PLEKHG3: variants seen among roughly 807,000 people sequenced by gnomAD.
PLEKHG3 encodes the protein pleckstrin homology domain-containing family G member 3.
A neutral mutation model predicts 94.9 loss-of-function variants in PLEKHG3; 62 were observed. The observed-to-expected ratio is 0.65, with a 90% CI of 0.53 to 0.81. The LOEUF is 0.81. Ranked by LOEUF, PLEKHG3 falls within the 30% of genes least tolerant of loss-of-function variation. The pLI is 0.00. For missense variants in PLEKHG3, 1,461 were observed against 1,619.3 expected, an observed-to-expected ratio of 0.90 and a Z score of 1.68; for synonymous variants, 614 against 654.0, an observed-to-expected ratio of 0.94 and a Z score of 0.93.
In PLEKHG3 at chr14:64,738,130, C is replaced by T. The variant is rs868517523; in HGVS notation, c.1405-612C>T. ...GAGCAGGAGGAGAGCCTGGCGGTGG[C>T]GGAGCAGGTAGCCGACTTTGCCAGC... On this transcript the variant is annotated intron_variant, in intron 14 of 16. Transcript: ENST00000247226. The surrounding 1 kb of genome is among the most constrained non-coding windows in gnomAD (Gnocchi z 4.8). 4.5e-5 allele frequency: 59 copies of T among 1,299,190 alleles called. No individual in the cohort carries two copies. Among genetic ancestry groups the T allele is most frequent in the African/African-American group, 1.1e-4 (7 of 66,528 alleles). The allele number at this position is 1,299,190 out of a possible 1,614,324, so 80.5% of individuals were successfully genotyped here. A position where few individuals can be genotyped will look rare whatever the true frequency, so the allele number is the denominator to read the frequency against.
At position 64,743,142 on chromosome 14, in the gene PLEKHG3, C is replaced by T. The variant is rs148982273; in HGVS notation, c.3099C>T (p.Pro1033=). 5 of 1,611,394 alleles carry T rather than the reference C, an allele frequency of 3.1e-6. No homozygotes were observed. The African/African-American group carries it at 5.3e-5, about 17-fold the overall frequency. ...GGACCACCTCGCCTGGGGGCCGGCC[C>T]TCCGCCCGGAGCCCCCTCAGCCCCA... ...SQRTTSPGGR[P]SARSPLSPTE... is the part of the protein sequence containing the mutation. Residue 1033 remains proline, a synonymous_variant, in exon 17 of 17, where the codon CCC becomes CCT. Transcript: ENST00000247226. The surrounding 1 kb of genome is among the most constrained non-coding windows in gnomAD (Gnocchi z 7.2).
chr14:64,709,703 C>G lies in PLEKHG3; in HGVS notation c.-40+4999C>G, dbSNP rs75551979. ...GGTGCCGGAAGCTCTTAAAAACTCA[C>G]ATCCTTTACTTCCTAGGCTGTGAGA... On this transcript the variant is annotated intron_variant, in intron 1 of 16. Coordinates refer to ENST00000247226, the MANE Select transcript of PLEKHG3 (RefSeq NM_001308147.2). Among the ~76,000 whole-genome samples, 1,488 of 151,668 alleles carry G rather than the reference C, an allele frequency of 9.8e-3. 69 individuals carry two copies. In the East Asian group the frequency reaches 0.14, roughly 14 times the overall value.
intron 1 of PLEKHG3, among the ~76,000 whole-genome samples, chr14:64,707,699 T>C (rs983533348): frequency 2.6e-5 from 4 of 152,224 alleles, no homozygotes; most frequent in Non-Finnish European, 5.9e-5. Context: ...CTGAAGGCGG[T>C]ATTTTTCTTC....
In PLEKHG3 at chr14:64,749,249, C is replaced by T. The variant is rs935637087; in HGVS notation, c.*5546C>T. On this transcript the variant is annotated 3_prime_UTR_variant, in exon 17 of 17. Transcript: ENST00000247226. The surrounding 1 kb of genome is among the most constrained non-coding windows in gnomAD (Gnocchi z 4.7). ...GGGCGGCGGCGAGAGGAGGCCAAGG[C>T]CTGGGCTGCCCGGTCTCTGCGCGTC... The T allele has an allele frequency of 5.2e-6, 8 of 1,533,670 alleles. No individual in the cohort carries two copies. In the African/African-American group the frequency reaches 5.5e-5, roughly 11 times the overall value.
chr14:64,741,002 T>G (rs2081674669), intron 15 of PLEKHG3, 34 bp from the exon 16 acceptor site: 2 of 1,514,178 alleles, frequency 1.3e-6, no homozygotes, highest in Non-Finnish European at 1.8e-6. Flanking sequence ...AAGGAGGCTT[T>G]TTACTCATGT....
At position 64,720,180 on chromosome 14, in the gene PLEKHG3, CT is replaced by C. The variant is rs1460042461; in HGVS notation, c.-39-7409del. Reference sequence around the variant, plus strand: ...CAGGGAGACCAGATCATCACAGCCCCTTTTCTAAACTTGGCTACTTTCCCCT... The same window carrying C: ...CAGGGAGACCAGATCATCACAGCCCCTTTCTAAACTTGGCTACTTTCCCCT... On this transcript the variant is annotated intron_variant, in intron 1 of 16. Coordinates refer to ENST00000247226, the MANE Select transcript of PLEKHG3 (RefSeq NM_001308147.2). This position sits in a 1 kb window ranked among gnomAD's most constrained non-coding sequence, Gnocchi z 4.1. Among the ~76,000 whole-genome samples, 2 of 152,258 alleles carry C rather than the reference CT, an allele frequency of 1.3e-5. No individual in the cohort carries two copies. The highest frequency in any genetic ancestry group is 1.9e-4 in the East Asian group (1 of 5,206).
rs2081623615 is a variant in PLEKHG3 at position 64,738,668 on chromosome 14, C to T, written c.1405-74C>T. ...CCAGCCCCTTGGGGCGTGGGAGGCACTGCCCGTGTTGGGATGCAGAAGGGA... is the reference window on the plus strand; with the variant it reads ...CCAGCCCCTTGGGGCGTGGGAGGCATTGCCCGTGTTGGGATGCAGAAGGGA... On this transcript the variant is annotated intron_variant, in intron 14 of 16. Coordinates refer to ENST00000247226, the MANE Select transcript of PLEKHG3 (RefSeq NM_001308147.2). The surrounding 1 kb of genome is among the most constrained non-coding windows in gnomAD (Gnocchi z 4.8). 9.3e-7 allele frequency: 1 copy of T among 1,081,052 alleles called. No homozygotes were observed. Among genetic ancestry groups the T allele is most frequent in the Middle Eastern group, 2.0e-4 (1 of 5,066 alleles). 67.0% of individuals were successfully genotyped at this position (1,081,052 alleles called of 1,614,324 possible). A position where few individuals can be genotyped will look rare whatever the true frequency, so the allele number is the denominator to read the frequency against.
In PLEKHG3 at chr14:64,749,945, A is replaced by G. The variant is rs1256333271; in HGVS notation, c.*6242A>G. The G allele has an allele frequency of 1.2e-6, 2 of 1,614,110 alleles. No homozygotes were observed. The highest frequency in any genetic ancestry group is 1.1e-5 in the South Asian group (1 of 91,074). On this transcript the variant is annotated 3_prime_UTR_variant, in exon 17 of 17. Coordinates refer to ENST00000247226, the MANE Select transcript of PLEKHG3 (RefSeq NM_001308147.2). The surrounding 1 kb of genome is among the most constrained non-coding windows in gnomAD (Gnocchi z 4.7). ...CCTGCCACTAATGCCAAATCAAGCCATCAACCCGAGCTTTCAAAGGCCAGG... is the reference window on the plus strand; with the variant it reads ...CCTGCCACTAATGCCAAATCAAGCCGTCAACCCGAGCTTTCAAAGGCCAGG...
At position 64,748,341 on chromosome 14, in the gene PLEKHG3, G is replaced by C. The variant is rs900201467; in HGVS notation, c.*4638G>C. ...CATCTTATATCTGGGGGCCCACACT[G>C]TCCCGTAGGGGGCCTATGTCTGTTG... is the stretch of plus-strand genomic sequence containing the variant. On this transcript the variant is annotated 3_prime_UTR_variant, in exon 17 of 17. Coordinates refer to ENST00000247226, the MANE Select transcript of PLEKHG3 (RefSeq NM_001308147.2). 2.0e-5 allele frequency: 3 copies of C among 152,418 alleles called. No homozygotes were observed. In the East Asian group the frequency reaches 5.8e-4, roughly 29 times the overall value. The allele number at this position is 152,418 out of a possible 1,614,324, so 9.4% of individuals were successfully genotyped here. A position where few individuals can be genotyped will look rare whatever the true frequency, so the allele number is the denominator to read the frequency against.
At chr14:64,710,173 C>T (rs921543864) in intron 1 of PLEKHG3, among the ~76,000 whole-genome samples, 3 of 152,136 alleles carry the variant, frequency 2.0e-5, no homozygotes, top group Non-Finnish European at 1.5e-5. Context: ...TAATGTGTTC[C>T]ATAATATCCA....
rs1214286033 is a variant in PLEKHG3 at position 64,728,231 on chromosome 14, T to A, written c.351+249T>A. On this transcript the variant is annotated intron_variant, in intron 2 of 16. Coordinates refer to ENST00000247226, the MANE Select transcript of PLEKHG3 (RefSeq NM_001308147.2). The surrounding 1 kb of genome is among the most constrained non-coding windows in gnomAD (Gnocchi z 5.9). Reference sequence around the variant, plus strand: ...TCCCCAGCCTGCCTGGGAAGATGGCTCTAGAGAGCCTGTGCCACAGAGACT... The same window carrying A: ...TCCCCAGCCTGCCTGGGAAGATGGCACTAGAGAGCCTGTGCCACAGAGACT... 1.3e-5 allele frequency among the ~76,000 whole-genome samples: 2 copies of A among 152,192 alleles called. No individual in the cohort carries two copies. Among genetic ancestry groups the A allele is most frequent in the Non-Finnish European group, 2.9e-5 (2 of 68,016 alleles).
Position 64,731,334 on chromosome 14 carries a change from C to T in PLEKHG3, c.850-27C>T, listed in dbSNP as rs750567714. On this transcript the variant is annotated intron_variant, in intron 7 of 16. Coordinates refer to ENST00000247226, the MANE Select transcript of PLEKHG3 (RefSeq NM_001308147.2). The surrounding 1 kb of genome is among the most constrained non-coding windows in gnomAD (Gnocchi z 6.1). ...CTCCTAAGGCCCCAGTGGCCTGACT[C>T]TAGGGATTGGGGCCCCTCTGCTGCA... 26 of 1,601,170 alleles carry T rather than the reference C, an allele frequency of 1.6e-5. No individual in the cohort carries two copies. The Admixed American group carries it at 2.3e-4, about 14-fold the overall frequency.
Position 64,731,540 on chromosome 14 carries a change from C to T in PLEKHG3, c.1029C>T (p.Ile343=). The T allele has an allele frequency of 1.2e-6, 2 of 1,613,850 alleles. No homozygotes were observed. The highest frequency in any genetic ancestry group is 1.7e-6 in the Non-Finnish European group (2 of 1,179,796). ...ATCACTTTGTCTACAAGGGCAACAT[C>T]CCGGTAACCAGGCCCTGCCCCATCT... The part of the protein sequence containing the change: ...RGDHFVYKGN[I]PCSSLMLIES... Residue 343 remains isoleucine, a synonymous_variant, in exon 8 of 17, where the codon ATC becomes ATT. Coordinates refer to ENST00000247226, the MANE Select transcript of PLEKHG3 (RefSeq NM_001308147.2). The surrounding 1 kb of genome is among the most constrained non-coding windows in gnomAD (Gnocchi z 6.1).
Position 64,743,756 on chromosome 14 carries a change from G to C in PLEKHG3, c.*53G>C. ...ATGTTGGAGGTTGGGGAAGAACCTG[G>C]GCATCCTTCCCCTCAAGCCTGGGCT... On this transcript the variant is annotated 3_prime_UTR_variant, in exon 17 of 17. Coordinates refer to ENST00000247226, the MANE Select transcript of PLEKHG3 (RefSeq NM_001308147.2). The surrounding 1 kb of genome is among the most constrained non-coding windows in gnomAD (Gnocchi z 7.2). 1.3e-6 allele frequency: 2 copies of C among 1,495,068 alleles called. No homozygotes were observed. Among genetic ancestry groups the C allele is most frequent in the Non-Finnish European group, 1.8e-6 (2 of 1,127,414 alleles). The allele number at this position is 1,495,068 out of a possible 1,614,324, so 92.6% of individuals were successfully genotyped here.
chr14:64,721,336 G>A lies in PLEKHG3; in HGVS notation c.-39-6257G>A, dbSNP rs79697568. 0.13 allele frequency among the ~76,000 whole-genome samples: 19,119 copies of A among 152,168 alleles called. 1,286 individuals are homozygous for A. The highest frequency in any genetic ancestry group is 0.18 in the Middle Eastern group (52 of 294). ...AGCCCTCCCTCTGAGCTAGGTGCCT[G>A]GCTTTCCTTTCCTTCCAAGGTCAGG... On this transcript the variant is annotated intron_variant, in intron 1 of 16. Coordinates refer to ENST00000247226, the MANE Select transcript of PLEKHG3 (RefSeq NM_001308147.2). This position sits in a 1 kb window ranked among gnomAD's most constrained non-coding sequence, Gnocchi z 4.3.
At position 64,716,886 on chromosome 14, in the gene PLEKHG3, T is replaced by C. The variant is rs2081173785; in HGVS notation, c.-39-10707T>C. On this transcript the variant is annotated intron_variant, in intron 1 of 16. Transcript: ENST00000247226. The surrounding 1 kb of genome is among the most constrained non-coding windows in gnomAD (Gnocchi z 5.0). ...ACTGCCCCACCGGTCTGAATTCTGG[T>C]CCATGTACGCTCCCAGCTGAGGCAG... is the stretch of plus-strand genomic sequence containing the variant. Among the ~76,000 whole-genome samples, 1 of 152,194 alleles carries C rather than the reference T, an allele frequency of 6.6e-6. No homozygotes were observed. Among genetic ancestry groups the C allele is most frequent in the South Asian group, 2.1e-4 (1 of 4,830 alleles).
chr14:64,707,747 A>C (rs1331687231), intron 1 of PLEKHG3, among the ~76,000 whole-genome samples: 4 of 152,184 alleles, frequency 2.6e-5, no homozygotes, highest in African/African-American at 9.7e-5. Flanking sequence ...AGTTCATCCC[A>C]CTGTGGCATC....
At position 64,731,034 on chromosome 14, in the gene PLEKHG3, G is replaced by T. The variant is rs199725730; in HGVS notation, c.718-4G>T. 3.1e-6 allele frequency: 5 copies of T among 1,613,960 alleles called. No homozygotes were observed. In the African/African-American group the frequency reaches 4.0e-5, roughly 13 times the overall value. On this transcript the variant is annotated splice_region_variant and splice_polypyrimidine_tract_variant and intron_variant, in intron 6 of 16. Coordinates refer to ENST00000247226, the MANE Select transcript of PLEKHG3 (RefSeq NM_001308147.2). The surrounding 1 kb of genome is among the most constrained non-coding windows in gnomAD (Gnocchi z 6.1). The stretch of plus-strand genomic sequence containing the variant: ...GGGCACCTAAGCGTCTATCTTCTGC[G>T]CAGGAAATTGCCAAGCATTTTGATG...
Position 64,716,435 on chromosome 14 carries a change from TACAC to T in PLEKHG3, c.-39-11130_-39-11127del, listed in dbSNP as rs61468622. 0.063 allele frequency among the ~76,000 whole-genome samples: 6,594 copies of T among 105,198 alleles called. 229 individuals are homozygous for T. The highest frequency in any genetic ancestry group is 0.069 in the African/African-American group (1,767 of 25,426). 69.0% of individuals were successfully genotyped at this position (105,198 alleles called of 152,430 possible). ...GGTTAGAGAAGGTCATGTAGGGCCC[TACAC>T]ACACACACACACACACACACACACA... On this transcript the variant is annotated intron_variant, in intron 1 of 16. Transcript: ENST00000247226. This position sits in a 1 kb window ranked among gnomAD's most constrained non-coding sequence, Gnocchi z 5.0.
Sources: allele counts gnomAD v4.1 joint callset (sites outside exome capture counted in the v4.1 genomes callset), GRCh38; gene constraint gnomAD v4.1.1; non-coding constraint Gnocchi (gnomAD v3.1); transcripts MANE v1.5; gene names NCBI Gene and HGNC (gene_info 2026-07-23, HGNC 2026-07-21).